The following ZNF22 variants were observed in gnomAD, a reference collection of about 807,000 sequenced individuals.
The protein encoded by ZNF22 is krox-26 protein.
Under a neutral mutation model 17.0 loss-of-function variants are expected in ZNF22, and 15 were observed. That is an observed-to-expected ratio of 0.88 (90% CI 0.59 to 1.36). The LOEUF (loss-of-function observed/expected upper bound fraction) is 1.36, where lower values mean the gene tolerates loss of function less well. Ranked by LOEUF, ZNF22 falls within the 40% of genes most tolerant of loss-of-function variation. ZNF22 has a pLI of 0.00. For missense variants in ZNF22, 272 were observed against 276.1 expected (o/e 0.98, Z 0.11); for synonymous variants, 84 against 90.7 (o/e 0.93, Z 0.42).
At position 45,003,614 on chromosome 10, in the gene ZNF22, C is replaced by G; in HGVS notation, c.246C>G (p.Ser82=). ...QHQKIHTGKK[S]HKCADCGKSF... is the part of the protein sequence containing the mutation. The stretch of plus-strand genomic sequence containing the variant: ...AGAAGATCCATACTGGAAAGAAATC[C>G]CATAAATGTGCTGATTGTGGGAAAA... Residue 82 remains serine, a synonymous_variant, in exon 2 of 2, where the codon TCC becomes TCG. Transcript: ENST00000298299. 2 of 1,614,166 alleles carry G rather than the reference C, an allele frequency of 1.2e-6. No homozygotes were observed. Among genetic ancestry groups the G allele is most frequent in the Non-Finnish European group, 1.7e-6 (2 of 1,180,034 alleles).
chr10:45,003,387 A>G lies in ZNF22; in HGVS notation c.19A>G (p.Lys7Glu). The change falls in exon 2 of 2, where the codon AAA becomes GAA. Residue 7 changes from lysine to glutamate, a missense_variant. Transcript: ENST00000298299. MRLAKP[K>E]AGISRSSSQG... ...ATTCACCATGAGGTTAGCAAAGCCT[A>G]AAGCGGGTATTTCTCGGAGCTCAAG... 7 of 1,608,872 alleles carry G rather than the reference A, an allele frequency of 4.4e-6. No individual in the cohort carries two copies. Among genetic ancestry groups the G allele is most frequent in the Non-Finnish European group, 5.1e-6 (6 of 1,177,586 alleles).
intron 1 of ZNF22, chr10:45,002,563 G>A (rs1435917847): frequency 1.3e-5 from 2 of 151,974 alleles, no homozygotes; most frequent in Admixed American, 6.6e-5. Flanking sequence ...TTTCGTTTTG[G>A]GTTTTCAACA....
At position 45,003,674 on chromosome 10, in the gene ZNF22, A is replaced by G. The variant is rs146334981; in HGVS notation, c.306A>G (p.Arg102=). 2,508 of 1,614,250 alleles carry G rather than the reference A, an allele frequency of 1.6e-3. 5 individuals are homozygous for G. The highest frequency in any genetic ancestry group is 2.0e-3 in the Non-Finnish European group (2,317 of 1,180,050). Residue 102 remains arginine (R), a synonymous_variant, in exon 2 of 2, where the codon CGA becomes CGG. Transcript: ENST00000298299. The part of the protein sequence containing the change: ...FFQSSNLIQH[R]RIHTGEKPYK... ...AGAGTTCTAATCTCATTCAGCATCG[A>G]CGGATCCATACGGGGGAAAAGCCCT... is the stretch of plus-strand genomic sequence containing the variant.
At position 45,004,046 on chromosome 10, in the gene ZNF22, A is replaced by G. The variant is rs1312522816; in HGVS notation, c.*3A>G. ...AGTCTGTGGCTGGTCTCCGTTAAGT[A>G]TAGGGCTTTTTGACAGCTTTTTGAG... On this transcript the variant is annotated 3_prime_UTR_variant, in exon 2 of 2. Transcript: ENST00000298299. The G allele has an allele frequency of 6.3e-7, 1 of 1,578,850 alleles. No homozygotes were observed. Among genetic ancestry groups the G allele is most frequent in the East Asian group, 2.2e-5 (1 of 44,540 alleles).
intron 1 of ZNF22, among the ~76,000 whole-genome samples, chr10:45,001,780 T>G (rs909464907): frequency 6.6e-6 from 1 of 152,218 alleles, no homozygotes; most frequent in African/African-American, 2.4e-5. Context: ...CTAGTATGAT[T>G]GCCTCATCCG....
intron 1 of ZNF22, chr10:45,002,295 G>A (rs2132821219): frequency 6.6e-6 from 1 of 152,330 alleles, no homozygotes; most frequent in African/African-American, 2.4e-5. Context: ...TGTGGGGTTT[G>A]TAGGGGTTTT....
Position 45,000,957 on chromosome 10 carries a change from G to A in ZNF22, c.-111G>A. 1.0e-6 allele frequency: 1 copy of A among 977,066 alleles called. No individual in the cohort carries two copies. Among genetic ancestry groups the A allele is most frequent in the Non-Finnish European group, 1.3e-6 (1 of 754,716 alleles). 60.5% of individuals were successfully genotyped at this position (977,066 alleles called of 1,614,324 possible). On this transcript the variant is annotated 5_prime_UTR_variant, in exon 1 of 2. Coordinates refer to ENST00000298299, the MANE Select transcript of ZNF22 (RefSeq NM_006963.5). ...GGCGCGGGAGGCGCCCAGCGAGCCA[G>A]AGTGGTGGCTGGTCCCGCGCGGTGA...
At position 45,003,334 on chromosome 10, in the gene ZNF22, G is replaced by T; in HGVS notation, c.-35G>T. 2.6e-6 allele frequency: 4 copies of T among 1,539,984 alleles called. No individual in the cohort carries two copies. The highest frequency in any genetic ancestry group is 3.5e-6 in the Non-Finnish European group (4 of 1,145,946). On this transcript the variant is annotated 5_prime_UTR_variant, in exon 2 of 2. Coordinates refer to ENST00000298299, the MANE Select transcript of ZNF22 (RefSeq NM_006963.5). ...TGAAACACTAGTTCAGAAGAAGCCT[G>T]TAAACTCTCTTACAAATACATTTGG...
chr10:45,002,824 G>A (rs1178511284), intron 1 of ZNF22: 1 of 152,318 alleles, frequency 6.6e-6, no homozygotes, highest in Non-Finnish European at 1.5e-5. Flanking sequence ...TTACTAGTTA[G>A]TAGAAGTTTA....
rs1010935635 is a variant in ZNF22 at position 45,004,073 on chromosome 10, C to A, written c.*30C>A. The A allele has an allele frequency of 4.5e-6, 7 of 1,539,586 alleles. No individual in the cohort carries two copies. Among genetic ancestry groups the A allele is most frequent in the Non-Finnish European group, 3.5e-6 (4 of 1,146,558 alleles). On this transcript the variant is annotated 3_prime_UTR_variant, in exon 2 of 2. Transcript: ENST00000298299. ...AGGGCTTTTTGACAGCTTTTTGAGA[C>A]CTCTTAAGAAAAAATAAAAAGTAAA... is the stretch of plus-strand genomic sequence containing the variant.
intron 1 of ZNF22, chr10:45,002,575 A>T (rs886876150): frequency 3.3e-5 from 5 of 152,180 alleles, no homozygotes; most frequent in African/African-American, 9.7e-5. Flanking sequence ...TTTTCAACAA[A>T]TTGCTTTCTT....
rs977625930 is a variant in ZNF22 at position 45,003,592 on chromosome 10, A to G, written c.224A>G (p.Lys75Arg). Residue 75 changes from lysine to arginine, a missense_variant, in exon 2 of 2, where the codon AAG (lysine) becomes AGG (arginine). Coordinates refer to ENST00000298299, the MANE Select transcript of ZNF22 (RefSeq NM_006963.5). ...AGTTCAACTCTTTTTCAACACCAGA[A>G]GATCCATACTGGAAAGAAATCCCAT... ...SQSSTLFQHQ[K>R]IHTGKKSHKC... The G allele has an allele frequency of 6.2e-7, 1 of 1,614,222 alleles. No homozygotes were observed. The highest frequency in any genetic ancestry group is 1.1e-5 in the South Asian group (1 of 91,084).
Position 45,003,973 on chromosome 10 carries a change from T to A in ZNF22, c.605T>A (p.Ile202Asn). Reference sequence around the variant, plus strand: ...CCTCGTAAAACCCGGGGCAAAAATATCAGGGTGAAGACTCACTTACCCTCT... The same window carrying A: ...CCTCGTAAAACCCGGGGCAAAAATAACAGGGTGAAGACTCACTTACCCTCT... ...EKPRKTRGKNIRVKTHLPSWK... is the reference protein window; with the variant it reads ...EKPRKTRGKNNRVKTHLPSWK... The change falls in exon 2 of 2, where the codon ATC becomes AAC. Residue 202 changes from isoleucine to asparagine, a missense_variant. By Grantham distance (149) the Ile-to-Asn change is moderately radical. Transcript: ENST00000298299. 8 of 1,614,088 alleles carry A rather than the reference T, an allele frequency of 5.0e-6. No individual in the cohort carries two copies. The highest frequency in any genetic ancestry group is 1.3e-5 in the African/African-American group (1 of 75,030).
chr10:45,001,591 A>G (rs1044529323), intron 1 of ZNF22, among the ~76,000 whole-genome samples: 4 of 152,176 alleles, frequency 2.6e-5, no homozygotes, highest in African/African-American at 9.6e-5. Flanking sequence ...GCAATGGAAG[A>G]TGTGGCTGCC....
At chr10:45,002,845 A>G (rs1159885002) in intron 1 of ZNF22, 2 of 152,450 alleles carry the variant, frequency 1.3e-5, no homozygotes, top group Non-Finnish European at 2.9e-5. Context: ...ACATGGAACT[A>G]AATATTAAAG....
chr10:45,002,738 T>C (rs1842344441), intron 1 of ZNF22: 1 of 152,246 alleles, frequency 6.6e-6, no homozygotes, highest in African/African-American at 2.4e-5. Flanking sequence ...AATCGAATGC[T>C]AAATACAGAT....
chr10:45,003,588 C>G lies in ZNF22; in HGVS notation c.220C>G (p.Gln74Glu), dbSNP rs1293518484. Residue 74 changes from glutamine to glutamate, a missense_variant, in exon 2 of 2, where the codon CAG becomes GAG. Gln to Glu is a conservative substitution (Grantham distance 29, BLOSUM62 2). Coordinates refer to ENST00000298299, the MANE Select transcript of ZNF22 (RefSeq NM_006963.5). ...FSQSSTLFQH[Q>E]KIHTGKKSHK... ...TCAGAGTTCAACTCTTTTTCAACAC[C>G]AGAAGATCCATACTGGAAAGAAATC... 1.2e-6 allele frequency: 2 copies of G among 1,614,134 alleles called. No homozygotes were observed. The highest frequency in any genetic ancestry group is 1.7e-6 in the Non-Finnish European group (2 of 1,180,004).
At chr10:45,001,166 G>C (rs1842326304) in intron 1 of ZNF22, among the ~76,000 whole-genome samples, 188 bp downstream of exon 1, 1 of 150,426 alleles carries the variant, frequency 6.6e-6, no homozygotes, top group Non-Finnish European at 1.5e-5. Context: ...GGGTGGGGCC[G>C]CGGCCTGCGC....
At chr10:45,001,818 G>C (rs181297279) in intron 1 of ZNF22, among the ~76,000 whole-genome samples, 1 of 151,806 alleles carries the variant, frequency 6.6e-6, no homozygotes, top group Admixed American at 6.6e-5. Context: ...CTGAGTTTCT[G>C]ACTAGATCTG....
Sources: allele counts gnomAD v4.1 joint callset (sites outside exome capture counted in the v4.1 genomes callset), GRCh38; gene constraint gnomAD v4.1.1; transcripts MANE v1.5; gene names NCBI Gene and HGNC (gene_info 2026-07-23, HGNC 2026-07-21).